Variants in PDGFD observed in about 807,000 individuals in gnomAD.
PDGFD encodes the protein platelet-derived growth factor D.
In PDGFD, 30 loss-of-function variants were observed where a neutral mutation model predicts 44.7. That is an observed-to-expected ratio of 0.67 (90% CI 0.50 to 0.91). The LOEUF (loss-of-function observed/expected upper bound fraction) is 0.91. Among genes scored for constraint, PDGFD ranks in the 40% least tolerant of loss-of-function variants. The pLI is 0.00. For missense variants in PDGFD, 445 were observed against 457.8 expected (o/e 0.97, Z 0.25); for synonymous variants, 173 against 168.4 (o/e 1.03, Z -0.21).
chr11:104,077,350 T>C (rs1380743196), intron 1 of PDGFD, among the ~76,000 whole-genome samples: 1 of 152,086 alleles, frequency 6.6e-6, no homozygotes, highest in African/African-American at 2.4e-5. Flanking sequence ...GCAGTGTAAG[T>C]AGAAATAGAG....
chr11:103,964,786 G>A (rs1858989535), intron 3 of PDGFD, among the ~76,000 whole-genome samples: 1 of 151,902 alleles, frequency 6.6e-6, no homozygotes, highest in South Asian at 2.1e-4. Context: ...GTCCAGGTAG[G>A]AGTAAGGTAC....
At chr11:103,919,855 C>T (rs1236070275) in intron 6 of PDGFD, among the ~76,000 whole-genome samples, 1 of 92,428 alleles carries the variant, frequency 1.1e-5, no homozygotes, top group South Asian at 3.0e-4. Flanking sequence ...CACAGTTTCT[C>T]AAGGAAAAAA....
At chr11:104,024,162 T>C (rs1055041898) in intron 1 of PDGFD, among the ~76,000 whole-genome samples, 1 of 152,068 alleles carries the variant, frequency 6.6e-6, no homozygotes, top group African/African-American at 2.4e-5. Context: ...GCATTGAGTA[T>C]CGAAAATAAG....
At chr11:104,115,350 C>A (rs1382531961) in intron 1 of PDGFD, among the ~76,000 whole-genome samples, 1 of 148,496 alleles carries the variant, frequency 6.7e-6, no homozygotes, top group Non-Finnish European at 1.5e-5. Context: ...TATAAATATA[C>A]ACATATATGA....
At chr11:104,035,292 C>A (rs1860207924) in intron 1 of PDGFD, among the ~76,000 whole-genome samples, 1 of 152,164 alleles carries the variant, frequency 6.6e-6, no homozygotes, top group Non-Finnish European at 1.5e-5. Flanking sequence ...TTTTTACACT[C>A]CCCACCTCCA....
chr11:104,141,640 C>G (rs1305404026), intron 1 of PDGFD, among the ~76,000 whole-genome samples: 2 of 152,102 alleles, frequency 1.3e-5, no homozygotes, highest in Non-Finnish European at 2.9e-5. Flanking sequence ...TGAGGAAGAG[C>G]TTATGTATTA....
chr11:103,981,372 TA>T (rs1484829006), intron 3 of PDGFD, among the ~76,000 whole-genome samples: 1 of 151,568 alleles, frequency 6.6e-6, no homozygotes, highest in Non-Finnish European at 1.5e-5. Flanking sequence ...ATTTCTTTTT[TA>T]AAAAAATTAC....
At chr11:103,971,668 C>T (rs1041575086) in intron 3 of PDGFD, among the ~76,000 whole-genome samples, 2 of 152,126 alleles carry the variant, frequency 1.3e-5, no homozygotes, top group African/African-American at 2.4e-5. Context: ...AGATTTCAAA[C>T]GATTGCCACA....
intron 6 of PDGFD, among the ~76,000 whole-genome samples, chr11:103,916,937 G>A (rs1253768190): frequency 1.3e-5 from 2 of 152,156 alleles, no homozygotes; most frequent in African/African-American, 4.8e-5. Flanking sequence ...GGTCCTGTTT[G>A]TGGGTGCGGG....
At chr11:103,946,334 C>T (rs917948903) in intron 4 of PDGFD, 2 of 152,190 alleles carry the variant, frequency 1.3e-5, no homozygotes, top group Non-Finnish European at 2.9e-5. Flanking sequence ...AGACTTGAAA[C>T]TCAAACGAGA....
intron 6 of PDGFD, among the ~76,000 whole-genome samples, chr11:103,924,143 T>C (rs1437429382): frequency 6.6e-6 from 1 of 152,270 alleles, no homozygotes; most frequent in African/African-American, 2.4e-5. Context: ...ACTCTGCTCT[T>C]CCCACAATAA....
At chr11:104,025,427 G>T (rs1281647303) in intron 1 of PDGFD, among the ~76,000 whole-genome samples, 1 of 152,146 alleles carries the variant, frequency 6.6e-6, no homozygotes, top group African/African-American at 2.4e-5. Context: ...CAACACAATG[G>T]ATACAATGGA....
At chr11:104,097,250 T>C (rs1178173077) in intron 1 of PDGFD, among the ~76,000 whole-genome samples, 2 of 152,172 alleles carry the variant, frequency 1.3e-5, no homozygotes, top group Non-Finnish European at 2.9e-5. Flanking sequence ...TTCATATGTA[T>C]TGGGACATTT....
At chr11:104,035,386 A>G (rs988570025) in intron 1 of PDGFD, among the ~76,000 whole-genome samples, 24 of 151,304 alleles carry the variant, frequency 1.6e-4, no homozygotes, top group African/African-American at 5.8e-4. Flanking sequence ...GACTTTCCAC[A>G]CTCTAGCAAC....
chr11:103,918,891 G>A (rs954745781), intron 6 of PDGFD, among the ~76,000 whole-genome samples: 5 of 152,162 alleles, frequency 3.3e-5, no homozygotes, highest in African/African-American at 1.2e-4. Context: ...AAGCAAACTG[G>A]CGGTTATAGG....
intron 1 of PDGFD, among the ~76,000 whole-genome samples, chr11:104,110,060 T>G (rs904243995): frequency 6.6e-6 from 1 of 152,158 alleles, no homozygotes; most frequent in African/African-American, 2.4e-5. Flanking sequence ...ATCAATTTAA[T>G]TAAAAATAAA....
intron 3 of PDGFD, among the ~76,000 whole-genome samples, chr11:103,973,138 C>CTTTTTTT (rs555810765): frequency 1.5e-5 from 2 of 134,416 alleles, no homozygotes; most frequent in African/African-American, 2.7e-5. Context: ...AAAGTGGTCA[C>CTTTTTTT]TTTTTTTTTT....
rs113293931 is a variant in PDGFD, at chr11:104,035,494, T to TA, written c.125-35240dup. Among the ~76,000 whole-genome samples the TA allele has an allele frequency of 1.9e-3, 283 of 146,378 alleles. 2 individuals carry two copies. The highest frequency in any genetic ancestry group is 7.1e-3 in the Middle Eastern group (2 of 280). On this transcript the variant is annotated intron_variant, in intron 1 of 6. Transcript: ENST00000393158. Reference sequence around the variant, plus strand: ...AAGAAGCCTCTTCCTTAAGTCAATTTAAAAAAAAAAATCACAAACACCTGC... The same window carrying TA: ...AAGAAGCCTCTTCCTTAAGTCAATTTAAAAAAAAAAAATCACAAACACCTGC...
intron 1 of PDGFD, among the ~76,000 whole-genome samples, chr11:104,136,938 G>A (rs988905354): frequency 2.5e-4 from 38 of 152,174 alleles, no homozygotes; most frequent in African/African-American, 9.2e-4. Context: ...AGAGCTAGAA[G>A]GGTCTTTAGA....
Sources: allele counts gnomAD v4.1 joint callset (sites outside exome capture counted in the v4.1 genomes callset), GRCh38; gene constraint gnomAD v4.1.1; transcripts MANE v1.5; gene names NCBI Gene and HGNC (gene_info 2026-07-23, HGNC 2026-07-21).